Variants in STOX2 observed in about 807,000 individuals in gnomAD.
STOX2 encodes storkhead box 2, also known as storkhead-box protein 2.
A neutral mutation model predicts 60.9 loss-of-function variants in STOX2; 28 were observed. The ratio of observed to expected loss-of-function variants is 0.46; its 90% CI spans 0.34 to 0.63. The LOEUF is 0.63. Among genes scored for constraint, STOX2 ranks in the 30% least tolerant of loss-of-function variants. The pLI is 0.01. For missense variants in STOX2, 1,024 were observed against 1,187.7 expected (o/e 0.86, Z 2.03); for synonymous variants, 472 against 463.9 (o/e 1.02, Z -0.22).
chr4:183,854,896 C>T (rs1430398213), intron 1 of STOX2, among the ~76,000 whole-genome samples: 5 of 152,056 alleles, frequency 3.3e-5, no homozygotes, highest in Admixed American at 6.6e-5. Flanking sequence ...TAATATTTGT[C>T]AATTCTTAGC....
At chr4:183,804,670 A>G (rs1053581424) in intron 1 of STOX2, among the ~76,000 whole-genome samples, 4 of 152,238 alleles carry the variant, frequency 2.6e-5, no homozygotes, top group Non-Finnish European at 5.9e-5. Context: ...TTAAGTCTAA[A>G]CAGTGAACAA....
chr4:184,001,554 C>A lies in STOX2; in HGVS notation c.319+77C>A, dbSNP rs550139057. On this transcript the variant is annotated intron_variant, in intron 2 of 3. Coordinates refer to ENST00000308497, the MANE Select transcript of STOX2 (RefSeq NM_020225.3). This position sits in a 1 kb window ranked among gnomAD's most constrained non-coding sequence, Gnocchi z 4.2. ...TCTAGGACTCACGTGGACTGTTCTG[C>A]CCATGTTTAAAGAGAATAGGAAAAC... 261 of 1,406,528 alleles carry A rather than the reference C, an allele frequency of 1.9e-4. 2 individuals carry two copies. In the African/African-American group the frequency reaches 3.2e-3, roughly 17 times the overall value. 87.1% of individuals were successfully genotyped at this position (1,406,528 alleles called of 1,614,324 possible).
intron 1 of STOX2, among the ~76,000 whole-genome samples, chr4:183,963,143 G>T (rs534249564): frequency 3.3e-5 from 5 of 152,118 alleles, no homozygotes; most frequent in Non-Finnish European, 7.4e-5. Context: ...GTGTCCCCCA[G>T]GTGTAGATGA....
At chr4:183,929,905 C>T (rs6843949) in intron 1 of STOX2, among the ~76,000 whole-genome samples, 9,376 of 151,562 alleles carry the variant, frequency 0.062, 746 homozygotes, top group African/African-American at 0.19. Flanking sequence ...ACTCTGTCGC[C>T]CAGGCTGGAG....
At chr4:183,829,775 T>C (rs1183617670) in intron 1 of STOX2, among the ~76,000 whole-genome samples, 1 of 152,174 alleles carries the variant, frequency 6.6e-6, no homozygotes, top group African/African-American at 2.4e-5. Flanking sequence ...TAATGGATCC[T>C]GATTGTAATG....
chr4:184,014,109 CCAAAAAAAA>C (rs1560946456), intron 3 of STOX2: 1 of 48,204 alleles, frequency 2.1e-5, no homozygotes, highest in Non-Finnish European at 5.0e-5. Flanking sequence ...TAAGCCCCAA[CCAAAAAAAA>C]AAAAAAAAAA....
intron 1 of STOX2, among the ~76,000 whole-genome samples, chr4:183,918,580 C>T (rs370189234): frequency 2.0e-5 from 3 of 152,220 alleles, no homozygotes; most frequent in Non-Finnish European, 2.9e-5. Context: ...AGCTGTGAAG[C>T]GAAGGGACAT....
At chr4:183,935,162 C>T (rs1006504998) in intron 1 of STOX2, among the ~76,000 whole-genome samples, 2 of 152,238 alleles carry the variant, frequency 1.3e-5, no homozygotes, top group Non-Finnish European at 1.5e-5. Flanking sequence ...CACACAGATA[C>T]TCCCCAGCAT....
At chr4:183,971,155 GA>G (rs919024279) in intron 1 of STOX2, among the ~76,000 whole-genome samples, 2 of 152,186 alleles carry the variant, frequency 1.3e-5, no homozygotes, top group African/African-American at 4.8e-5. Flanking sequence ...AAACTTGAGT[GA>G]TACTCGTCTA....
In STOX2 at chr4:184,010,516, G is replaced by A; in HGVS notation, c.1678G>A (p.Val560Ile). The change falls in exon 3 of 4, where the codon GTC becomes ATC. Residue 560 changes from valine (V) to isoleucine (I), a missense_variant. This residue lies in a region of STOX2 where 922 missense variants were observed against 1,058.3 expected (regional missense o/e 0.87). Coordinates refer to ENST00000308497, the MANE Select transcript of STOX2 (RefSeq NM_020225.3). This position sits in a 1 kb window ranked among gnomAD's most constrained non-coding sequence, Gnocchi z 4.5. ...SYKEVCIPEI[V>I]SGSKEPSSAC... ...TAAAGAGGTGTGTATTCCAGAGATAGTCAGTGGCAGCAAGGAACCGTCCAG... is the reference window on the plus strand; with the variant it reads ...TAAAGAGGTGTGTATTCCAGAGATAATCAGTGGCAGCAAGGAACCGTCCAG... The A allele has an allele frequency of 1.2e-6, 2 of 1,613,874 alleles. No individual in the cohort carries two copies. Among genetic ancestry groups the A allele is most frequent in the Admixed American group, 1.7e-5 (1 of 60,024 alleles).
At chr4:183,808,002 G>C (rs1389952901) in intron 1 of STOX2, among the ~76,000 whole-genome samples, 1 of 152,232 alleles carries the variant, frequency 6.6e-6, no homozygotes, top group Admixed American at 6.5e-5. Flanking sequence ...AGGACTAAGG[G>C]ATCAGCGCGG....
chr4:183,847,233 A>T (rs1301231553), intron 1 of STOX2, among the ~76,000 whole-genome samples: 1 of 152,198 alleles, frequency 6.6e-6, no homozygotes, highest in Non-Finnish European at 1.5e-5. Flanking sequence ...TATTCTGAGC[A>T]TATGCCCTAC....
chr4:183,868,239 C>G (rs1480085888), intron 1 of STOX2, among the ~76,000 whole-genome samples: 1 of 152,032 alleles, frequency 6.6e-6, no homozygotes, highest in African/African-American at 2.4e-5. Flanking sequence ...GGCCAGAATA[C>G]CAGAGAGCCA....
chr4:183,799,969 G>A (rs1380534972), intron 1 of STOX2, among the ~76,000 whole-genome samples: 1 of 152,110 alleles, frequency 6.6e-6, no homozygotes, highest in Non-Finnish European at 1.5e-5. Context: ...CTCAGAGGAA[G>A]CAGAGGGACT....
intron 1 of STOX2, among the ~76,000 whole-genome samples, chr4:183,946,038 G>C (rs1409676999): frequency 6.6e-6 from 1 of 152,122 alleles, no homozygotes; most frequent in Non-Finnish European, 1.5e-5. Context: ...GGGCACACAG[G>C]GTAAATGATT....
At chr4:183,808,727 C>G (rs1170577787) in intron 1 of STOX2, among the ~76,000 whole-genome samples, 1 of 152,140 alleles carries the variant, frequency 6.6e-6, no homozygotes, top group East Asian at 1.9e-4. Context: ...AGCATTTCCT[C>G]TTATATTGAA....
intron 1 of STOX2, among the ~76,000 whole-genome samples, chr4:183,878,622 C>A (rs61628436): frequency 0.011 from 1,638 of 152,182 alleles, 31 homozygotes; most frequent in African/African-American, 0.038. Flanking sequence ...CATTGTGCAC[C>A]TTTAATGAAA....
rs191843834 is a variant in STOX2 at position 183,938,562 on chromosome 4, A to G, written c.166+31606A>G. On this transcript the variant is annotated intron_variant, in intron 1 of 3. Coordinates refer to ENST00000308497, the MANE Select transcript of STOX2 (RefSeq NM_020225.3). ...TGCACGCCTGTAATCCCAGCTACTC[A>G]GGAGGCGGAGGCAGGAGAATTGCTT... Among the ~76,000 whole-genome samples, 263 of 150,290 alleles carry G rather than the reference A, an allele frequency of 1.7e-3. 2 individuals carry two copies. The highest frequency in any genetic ancestry group is 6.3e-3 in the African/African-American group (258 of 40,812).
chr4:183,846,230 T>G (rs1739986868), intron 1 of STOX2, among the ~76,000 whole-genome samples: 1 of 152,246 alleles, frequency 6.6e-6, no homozygotes, highest in Non-Finnish European at 1.5e-5. Context: ...TCCAGGATTC[T>G]CTTTTTGTAT....
Sources: allele counts gnomAD v4.1 joint callset (sites outside exome capture counted in the v4.1 genomes callset), GRCh38; gene constraint gnomAD v4.1.1; regional missense constraint gnomAD v4.1.1; non-coding constraint Gnocchi (gnomAD v3.1); transcripts MANE v1.5; gene names NCBI Gene and HGNC (gene_info 2026-07-23, HGNC 2026-07-21).